The following SF3A3 variants were observed in gnomAD, a reference collection of about 807,000 sequenced individuals.
SF3A3 encodes splicing factor 3a subunit 3.
SF3A3 carries 9 observed loss-of-function variants against 85.8 expected under a neutral mutation model. That is an observed-to-expected ratio of 0.10 (90% CI 0.06 to 0.18). The LOEUF (loss-of-function observed/expected upper bound fraction) is 0.18. SF3A3 is among the 10% of genes least tolerant of loss of function. The probability of loss-of-function intolerance (pLI) is 1.00; values close to 1 mark genes in which losing one functional copy is unlikely to be tolerated. For missense variants in SF3A3, 306 were observed against 593.3 expected (o/e 0.52, Z 5.03); for synonymous variants, 195 against 204.4 (o/e 0.95, Z 0.39).
chr1:37,981,600 C>T, intron 7 of SF3A3, 129 bp downstream of exon 7: 2 of 699,628 alleles, frequency 2.9e-6, no homozygotes, highest in Non-Finnish European at 2.6e-6. Context: ...ATAACCCCAT[C>T]CTCCAATAAA....
chr1:37,968,219 A>G lies in SF3A3; in HGVS notation c.1282-85T>C, dbSNP rs959181529. On this transcript the variant is annotated intron_variant, in intron 14 of 16. Coordinates refer to ENST00000373019, the MANE Select transcript of SF3A3 (RefSeq NM_006802.4). Reference sequence around the variant, plus strand: ...TAACTCCATTCTACTCATAAATCCTAACATGGCCCTTTGCAAGACTCCACC... The same window carrying G: ...TAACTCCATTCTACTCATAAATCCTGACATGGCCCTTTGCAAGACTCCACC... 9.9e-6 allele frequency: 8 copies of G among 806,026 alleles called. No homozygotes were observed. The Admixed American group carries it at 1.3e-4, about 13-fold the overall frequency. The allele number at this position is 806,026 out of a possible 1,614,324, so 49.9% of individuals were successfully genotyped here.
At chr1:37,973,893 A>G (rs1306885379) in intron 12 of SF3A3, among the ~76,000 whole-genome samples, 2 of 151,798 alleles carry the variant, frequency 1.3e-5, no homozygotes, top group Non-Finnish European at 2.9e-5. Context: ...ATGGAATACT[A>G]TGCAGCCATA....
At chr1:37,987,549 G>A (rs201153577) in intron 4 of SF3A3, 24 bp downstream of exon 4, 2 of 1,531,642 alleles carry the variant, frequency 1.3e-6, no homozygotes, top group East Asian at 2.2e-5. Flanking sequence ...TAGGTCTGGA[G>A]AAAATACTTT....
intron 5 of SF3A3, 97 bp downstream of exon 5, chr1:37,984,610 C>T (rs898069040): frequency 4.6e-6 from 4 of 872,090 alleles, no homozygotes; most frequent in Non-Finnish European, 7.7e-6. Flanking sequence ...AGCAAGAAAT[C>T]CTGGCTATAA....
At chr1:37,978,397 T>A (rs1646394522) in intron 11 of SF3A3, among the ~76,000 whole-genome samples, 2 of 151,798 alleles carry the variant, frequency 1.3e-5, no homozygotes, top group Admixed American at 1.3e-4. Flanking sequence ...AAGAATTAGA[T>A]TCAACTTTAC....
chr1:37,984,356 C>G, intron 5 of SF3A3, 96 bp from the exon 6 acceptor site: 1 of 710,488 alleles, frequency 1.4e-6, no homozygotes, highest in Middle Eastern at 2.4e-4. Context: ...TTTCCTGAGG[C>G]AGCACTTCAC....
At chr1:37,970,526 C>T (rs543981926) in intron 12 of SF3A3, among the ~76,000 whole-genome samples, 1 of 146,530 alleles carries the variant, frequency 6.8e-6, no homozygotes, top group East Asian at 2.0e-4. Context: ...ATCTACAGAA[C>T]TCTCCACCCC....
rs189942545 is a variant in SF3A3, at chr1:37,989,202, G to A, written c.144+346C>T. Among the ~76,000 whole-genome samples, 178 of 152,116 alleles carry A rather than the reference G, an allele frequency of 1.2e-3. 2 individuals carry two copies. Among genetic ancestry groups the A allele is most frequent in the African/African-American group, 4.2e-3 (176 of 41,486 alleles). The stretch of plus-strand genomic sequence containing the variant: ...CCCAACTACTCCGGAGGCTGAGGCA[G>A]GAGAATCGCTTGAACCCAGGAGGCG... On this transcript the variant is annotated intron_variant, in intron 2 of 16. Coordinates refer to ENST00000373019, the MANE Select transcript of SF3A3 (RefSeq NM_006802.4).
At chr1:37,985,949 CTT>C (rs10673830) in intron 4 of SF3A3, among the ~76,000 whole-genome samples, 24 of 118,908 alleles carry the variant, frequency 2.0e-4, no homozygotes, top group African/African-American at 5.1e-4. Flanking sequence ...TCCTACCAGA[CTT>C]TTTTTTTTTT....
chr1:37,989,822 G>T, intron 1 of SF3A3, 48 bp downstream of exon 1: 1 of 1,463,284 alleles, frequency 6.8e-7, no homozygotes, highest in Non-Finnish European at 9.6e-7. Flanking sequence ...TCAAACACGG[G>T]ATAGAGGCTC....
intron 2 of SF3A3, among the ~76,000 whole-genome samples, chr1:37,988,174 T>C (rs1438818713): frequency 2.0e-5 from 3 of 152,164 alleles, no homozygotes; most frequent in Non-Finnish European, 4.4e-5. Flanking sequence ...CAAACACTAG[T>C]TCCCACCTAA....
chr1:37,975,640 C>T (rs565949574), intron 12 of SF3A3, among the ~76,000 whole-genome samples: 17 of 152,302 alleles, frequency 1.1e-4, no homozygotes, highest in Middle Eastern at 6.8e-3. Flanking sequence ...AAGTTCACAG[C>T]GGAGAATATA....
At position 37,989,941 on chromosome 1, in the gene SF3A3, G is replaced by T; in HGVS notation, c.25C>A (p.Arg9=). 1 of 1,612,630 alleles carries T rather than the reference G, an allele frequency of 6.2e-7. No individual in the cohort carries two copies. Residue 9 remains arginine (R), a synonymous_variant, in exon 1 of 17, where the codon CGG becomes AGG. Transcript: ENST00000373019. METILEQQ[R]RYHEEKERLM... is the part of the protein sequence containing the mutation. Reference sequence around the variant, plus strand: ...CGTTCCTTCTCCTCATGATAGCGCCGCTGCTGCTCCAGTATTGTCTCCATC... The same window carrying T: ...CGTTCCTTCTCCTCATGATAGCGCCTCTGCTGCTCCAGTATTGTCTCCATC...
intron 12 of SF3A3, among the ~76,000 whole-genome samples, chr1:37,971,150 G>A (rs541231733): frequency 9.9e-5 from 15 of 151,930 alleles, no homozygotes; most frequent in African/African-American, 3.4e-4. Flanking sequence ...TCAAACAGAC[G>A]CAATAAAAAA....
chr1:37,975,047 CT>C (rs1388315912), intron 12 of SF3A3, among the ~76,000 whole-genome samples: 1 of 152,134 alleles, frequency 6.6e-6, no homozygotes, highest in Non-Finnish European at 1.5e-5. Flanking sequence ...GAGGCTGTGT[CT>C]TATTCACTAT....
intron 5 of SF3A3, 78 bp from the exon 6 acceptor site, chr1:37,984,338 G>T: frequency 1.2e-6 from 1 of 816,712 alleles, no homozygotes. Flanking sequence ...TGGACTGTGT[G>T]TTCCTAGTTT....
At chr1:37,985,983 C>T (rs1443062123) in intron 4 of SF3A3, among the ~76,000 whole-genome samples, 1 of 132,652 alleles carries the variant, frequency 7.5e-6, no homozygotes, top group Non-Finnish European at 1.5e-5. Flanking sequence ...GAGTCTTGCT[C>T]TGTTGCCCAG....
chr1:37,989,512 G>A, intron 2 of SF3A3, 36 bp downstream of exon 2: 1 of 1,605,440 alleles, frequency 6.2e-7, no homozygotes, highest in South Asian at 1.1e-5. Context: ...TCCCGCCCTC[G>A]CCAACCCAAA....
chr1:37,972,603 C>A (rs546208963), intron 12 of SF3A3, among the ~76,000 whole-genome samples: 6 of 152,152 alleles, frequency 3.9e-5, no homozygotes, highest in Non-Finnish European at 5.9e-5. Context: ...GGAGGCATCA[C>A]GCTATCTGAC....
Sources: gnomAD v4.1 joint callset for allele counts (sites outside exome capture counted in the v4.1 genomes callset) on GRCh38, gnomAD v4.1.1 for gene constraint, MANE v1.5 for transcripts, NCBI Gene and HGNC (gene_info 2026-07-23, HGNC 2026-07-21) for gene names.